The following ATP8A1 variants were observed in gnomAD, a reference collection of about 807,000 sequenced individuals.
ATP8A1 encodes the protein phospholipid-transporting ATPase IA.
ATP8A1 carries 90 observed loss-of-function variants against 177.7 expected under a neutral mutation model. The ratio of observed to expected loss-of-function variants is 0.51; its 90% CI spans 0.43 to 0.60. The LOEUF is 0.60. Among genes scored for constraint, ATP8A1 ranks in the 20% least tolerant of loss-of-function variants. The probability of loss-of-function intolerance (pLI) is 0.00; values close to 1 mark genes in which losing one functional copy is unlikely to be tolerated. For missense variants in ATP8A1, 1,072 were observed against 1,392.8 expected, an observed-to-expected ratio of 0.77 and a Z score of 3.67; for synonymous variants, 493 against 485.9, an observed-to-expected ratio of 1.01 and a Z score of -0.19.
chr4:42,589,090 C>T (rs2109363134), intron 7 of ATP8A1, among the ~76,000 whole-genome samples: 1 of 152,220 alleles, frequency 6.6e-6, no homozygotes, highest in South Asian at 2.1e-4. Flanking sequence ...GGCGGCTGGC[C>T]TAAGGGGTCC....
In ATP8A1 at chr4:42,615,939, C is replaced by T. The variant is rs559147444; in HGVS notation, c.409+94G>A. ...CCCCAAAACAAAAACTTGAGATGCA[C>T]ACTATTTGCAATTGAATTATATGTA... On this transcript the variant is annotated intron_variant, in intron 5 of 36. Coordinates refer to ENST00000381668, the MANE Select transcript of ATP8A1 (RefSeq NM_006095.2). The T allele has an allele frequency of 1.0e-5, 12 of 1,183,066 alleles. No homozygotes were observed. In the East Asian group the frequency reaches 2.4e-4, roughly 24 times the overall value. The allele number at this position is 1,183,066 out of a possible 1,614,324, so 73.3% of individuals were successfully genotyped here.
At chr4:42,430,968 C>A (rs1715226739) in intron 33 of ATP8A1, among the ~76,000 whole-genome samples, 1 of 152,086 alleles carries the variant, frequency 6.6e-6, no homozygotes, top group Middle Eastern at 3.2e-3. Flanking sequence ...CTCTCCCCTG[C>A]ACTCAAGTCC....
intron 25 of ATP8A1, among the ~76,000 whole-genome samples, chr4:42,472,747 C>CAAAAAA (rs11315234): frequency 9.0e-6 from 1 of 111,040 alleles, no homozygotes; most frequent in Admixed American, 9.4e-5. Flanking sequence ...GAGACTGTCT[C>CAAAAAA]AAAAAAAAAA....
intron 6 of ATP8A1, among the ~76,000 whole-genome samples, chr4:42,597,456 A>T (rs1425202897): frequency 6.6e-6 from 1 of 152,184 alleles, no homozygotes; most frequent in Admixed American, 6.5e-5. Context: ...CTTATGATAC[A>T]GGAACCCTTA....
At chr4:42,502,702 C>T (rs1560396783) in intron 24 of ATP8A1, among the ~76,000 whole-genome samples, 1 of 152,198 alleles carries the variant, frequency 6.6e-6, no homozygotes, top group African/African-American at 2.4e-5. Context: ...TTCACCATCC[C>T]TTCCACGCAT....
intron 18 of ATP8A1, 128 bp from the exon 19 acceptor site, chr4:42,549,190 G>A: frequency 1.5e-6 from 1 of 684,294 alleles, no homozygotes; most frequent in Admixed American, 3.0e-5. Flanking sequence ...GCTGAAATAT[G>A]GAAGGGAGCT....
At chr4:42,644,754 AT>A (rs1402330919) in intron 1 of ATP8A1, among the ~76,000 whole-genome samples, 1 of 152,152 alleles carries the variant, frequency 6.6e-6, no homozygotes, top group Non-Finnish European at 1.5e-5. Context: ...AGTCTCAAAT[AT>A]TGGCCTCATC....
chr4:42,442,969 T>C (rs1716794014), intron 33 of ATP8A1, among the ~76,000 whole-genome samples: 2 of 152,206 alleles, frequency 1.3e-5, no homozygotes, highest in Admixed American at 6.5e-5. Context: ...AGGAGATCTT[T>C]TGACACTCCC....
In ATP8A1 at chr4:42,637,387, C is replaced by CCTT. The variant is rs1394051394; in HGVS notation, c.50-10281_50-10279dup. 1.1e-4 allele frequency among the ~76,000 whole-genome samples: 16 copies of CCTT among 152,302 alleles called. No homozygotes were observed. The East Asian group carries it at 1.7e-3, about 17-fold the overall frequency. On this transcript the variant is annotated intron_variant, in intron 1 of 36. Coordinates refer to ENST00000381668, the MANE Select transcript of ATP8A1 (RefSeq NM_006095.2). ...AGCCAAACGGTTTTCCACATCCCTA[C>CCTT]CTTCTTCTCCATCACCCTCTTGTTC...
intron 25 of ATP8A1, among the ~76,000 whole-genome samples, chr4:42,480,978 C>T (rs910567026): frequency 3.3e-5 from 5 of 152,290 alleles, no homozygotes; most frequent in African/African-American, 1.2e-4. Context: ...AACCAACTGT[C>T]ACAGAACATA....
chr4:42,569,848 C>T (rs529979852), intron 14 of ATP8A1, among the ~76,000 whole-genome samples: 12 of 152,254 alleles, frequency 7.9e-5, no homozygotes, highest in South Asian at 6.2e-4. Flanking sequence ...TTCATCCATT[C>T]GCTCATCTGA....
At position 42,409,330 on chromosome 4, in the gene ATP8A1, TG is replaced by T. The variant is rs1324804593; in HGVS notation, c.*3585del. The stretch of plus-strand genomic sequence containing the variant: ...ACTTACATTCCACTTTAATAGCTGT[TG>T]AAGGTTAATTAAAATGCAGCAAAGT... On this transcript the variant is annotated 3_prime_UTR_variant, in exon 37 of 37. Transcript: ENST00000381668. 2.0e-5 allele frequency: 3 copies of T among 152,180 alleles called. No individual in the cohort carries two copies. Among genetic ancestry groups the T allele is most frequent in the African/African-American group, 7.2e-5 (3 of 41,466 alleles). 9.4% of individuals were successfully genotyped at this position (152,180 alleles called of 1,614,324 possible).
rs1205692636 is a variant in ATP8A1, at chr4:42,409,323, T to C, written c.*3593A>G. On this transcript the variant is annotated 3_prime_UTR_variant, in exon 37 of 37. Coordinates refer to ENST00000381668, the MANE Select transcript of ATP8A1 (RefSeq NM_006095.2). ...AAATTTAACTTACATTCCACTTTAA[T>C]AGCTGTTGAAGGTTAATTAAAATGC... 2 of 152,178 alleles carry C rather than the reference T, an allele frequency of 1.3e-5. No homozygotes were observed. Among genetic ancestry groups the C allele is most frequent in the East Asian group, 1.9e-4 (1 of 5,206 alleles). The allele number at this position is 152,178 out of a possible 1,614,324, so 9.4% of individuals were successfully genotyped here.
intron 20 of ATP8A1, among the ~76,000 whole-genome samples, chr4:42,532,191 T>G (rs934735504): frequency 6.6e-6 from 1 of 151,700 alleles, no homozygotes; most frequent in Non-Finnish European, 1.5e-5. Flanking sequence ...AGGTGAAAGA[T>G]CTCTATAAGA....
In ATP8A1 at chr4:42,615,927, A is replaced by G. The variant is rs576581790; in HGVS notation, c.409+106T>C. The stretch of plus-strand genomic sequence containing the variant: ...AAAATCAATCTACCCCAAAACAAAA[A>G]CTTGAGATGCACACTATTTGCAATT... On this transcript the variant is annotated intron_variant, in intron 5 of 36. Coordinates refer to ENST00000381668, the MANE Select transcript of ATP8A1 (RefSeq NM_006095.2). 65 of 1,070,468 alleles carry G rather than the reference A, an allele frequency of 6.1e-5. 1 individual carries two copies. The South Asian group carries it at 1.0e-3, about 17-fold the overall frequency. The allele number at this position is 1,070,468 out of a possible 1,614,324, so 66.3% of individuals were successfully genotyped here.
At chr4:42,470,822 T>C (rs1720316595) in intron 25 of ATP8A1, among the ~76,000 whole-genome samples, 5 of 152,206 alleles carry the variant, frequency 3.3e-5, no homozygotes, top group Admixed American at 3.3e-4. Context: ...CTGCTCCAGG[T>C]GCCTATTTAG....
intron 20 of ATP8A1, among the ~76,000 whole-genome samples, chr4:42,539,822 A>T (rs1233019769): frequency 2.0e-5 from 3 of 152,170 alleles, no homozygotes; most frequent in African/African-American, 7.2e-5. Flanking sequence ...AAAAACAAAC[A>T]TAAGACTCAA....
At position 42,410,462 on chromosome 4, in the gene ATP8A1, G is replaced by A. The variant is rs1712466780; in HGVS notation, c.*2454C>T. The A allele has an allele frequency of 1.3e-5, 2 of 152,104 alleles. No individual in the cohort carries two copies. The highest frequency in any genetic ancestry group is 4.8e-5 in the African/African-American group (2 of 41,416). The allele number at this position is 152,104 out of a possible 1,614,324, so 9.4% of individuals were successfully genotyped here. A position where few individuals can be genotyped will look rare whatever the true frequency, so the allele number is the denominator to read the frequency against. On this transcript the variant is annotated 3_prime_UTR_variant, in exon 37 of 37. Transcript: ENST00000381668. ...TATTTCAATCCTGGTAAAACCATGT[G>A]ACTTTTTTCCAGTTAAGGAAGGTTT...
intron 36 of ATP8A1, 32 bp downstream of exon 36, chr4:42,414,595 T>C (rs755559775): frequency 1.9e-6 from 3 of 1,561,592 alleles, no homozygotes; most frequent in East Asian, 4.5e-5. Context: ...TGGCAGAGAA[T>C]TTATTTAAAA....
Sources: gnomAD v4.1 joint callset for allele counts (sites outside exome capture counted in the v4.1 genomes callset) on GRCh38, gnomAD v4.1.1 for gene constraint, MANE v1.5 for transcripts, NCBI Gene and HGNC (gene_info 2026-07-23, HGNC 2026-07-21) for gene names.